Variants in FAM117B observed in about 807,000 individuals in gnomAD.
The protein encoded by FAM117B is family with sequence similarity 117 member B, also known as protein FAM117B.
Under a neutral mutation model 52.8 loss-of-function variants are expected in FAM117B, and 22 were observed. That is an observed-to-expected ratio of 0.42 (90% confidence interval 0.30 to 0.59). The LOEUF (loss-of-function observed/expected upper bound fraction) is 0.59. Among genes scored for constraint, FAM117B ranks in the 20% least tolerant of loss-of-function variants. The pLI is 0.22. For synonymous variants in FAM117B, 309 were observed against 324.1 expected (o/e 0.95, Z 0.50); for missense variants, 678 against 802.6 (o/e 0.84, Z 1.88).
At chr2:202,764,868 A>G (rs2105802546) in intron 7 of FAM117B, among the ~76,000 whole-genome samples, 1 of 152,308 alleles carries the variant, frequency 6.6e-6, no homozygotes, top group East Asian at 1.9e-4. Flanking sequence ...ATCAGGGTTA[A>G]CTCAAAGAAT....
intron 4 of FAM117B, among the ~76,000 whole-genome samples, chr2:202,745,262 A>G (rs1202586995): frequency 6.6e-6 from 1 of 151,516 alleles, no homozygotes; most frequent in African/African-American, 2.4e-5. Context: ...CTTGAGTGAC[A>G]GAGTGAGACT....
chr2:202,714,923 T>C (rs1177420976), intron 2 of FAM117B, among the ~76,000 whole-genome samples: 1 of 152,006 alleles, frequency 6.6e-6, no homozygotes, highest in Non-Finnish European at 1.5e-5. Flanking sequence ...AAGTCTCCCA[T>C]GTCTACTTCT....
At chr2:202,731,182 G>A (rs1691338516) in intron 4 of FAM117B, among the ~76,000 whole-genome samples, 1 of 151,470 alleles carries the variant, frequency 6.6e-6, no homozygotes, top group Non-Finnish European at 1.5e-5. Context: ...TGTACAAATA[G>A]CCAATAAGCA....
chr2:202,735,702 A>T lies in FAM117B; in HGVS notation c.960+9339A>T, dbSNP rs1349058128. ...GTTAGAGTCTGATGTTAGTAACAAG[A>T]GTGGGAGATGCCAGCATCTTCACAG... On this transcript the variant is annotated intron_variant, in intron 4 of 7. Coordinates refer to ENST00000392238, the MANE Select transcript of FAM117B (RefSeq NM_173511.4). Among the ~76,000 whole-genome samples, 3 of 152,240 alleles carry T rather than the reference A, an allele frequency of 2.0e-5. No individual in the cohort carries two copies. In the East Asian group the frequency reaches 5.8e-4, roughly 29 times the overall value.
chr2:202,744,474 C>T (rs561074934), intron 4 of FAM117B, among the ~76,000 whole-genome samples: 91 of 152,278 alleles, frequency 6.0e-4, no homozygotes, highest in African/African-American at 1.3e-3. Context: ...CTTCCCGTTA[C>T]GCCCCACCTT....
intron 1 of FAM117B, among the ~76,000 whole-genome samples, chr2:202,643,741 G>A (rs1417393294): frequency 1.3e-5 from 2 of 151,504 alleles, no homozygotes; most frequent in African/African-American, 4.9e-5. Context: ...ACAGAGTCTC[G>A]CTCTGTCACC....
rs1692032303 is a variant in FAM117B at position 202,769,144 on chromosome 2, C to T, written c.*3380C>T. ...CCAAATCAGTCTTTTAGAAGGTGCT[C>T]TTGCTAACTGTGGAATATTTGACGA... is the stretch of plus-strand genomic sequence containing the variant. On this transcript the variant is annotated 3_prime_UTR_variant, in exon 8 of 8. Transcript: ENST00000392238. 1 of 152,274 alleles carries T rather than the reference C, an allele frequency of 6.6e-6. No homozygotes were observed. Among genetic ancestry groups the T allele is most frequent in the South Asian group, 2.1e-4 (1 of 4,826 alleles). 9.4% of individuals were successfully genotyped at this position (152,274 alleles called of 1,614,324 possible).
intron 1 of FAM117B, among the ~76,000 whole-genome samples, chr2:202,683,277 C>T (rs948262433): frequency 4.6e-5 from 7 of 151,594 alleles, no homozygotes; most frequent in Non-Finnish European, 8.8e-5. Context: ...TACAGTCAGC[C>T]GAGATCACAC....
chr2:202,694,927 T>C (rs1690688319), intron 1 of FAM117B, among the ~76,000 whole-genome samples: 1 of 152,208 alleles, frequency 6.6e-6, no homozygotes, highest in South Asian at 2.1e-4. Flanking sequence ...TGACAATATT[T>C]AGTGAAAGAT....
chr2:202,701,415 C>G (rs962990155), intron 2 of FAM117B, among the ~76,000 whole-genome samples: 4 of 152,170 alleles, frequency 2.6e-5, no homozygotes, highest in African/African-American at 9.7e-5. Flanking sequence ...TTCATGCCTG[C>G]TAACACAACA....
Position 202,677,093 on chromosome 2 carries a change from C to T in FAM117B, c.602-18788C>T, listed in dbSNP as rs116044419. 9.2e-3 allele frequency among the ~76,000 whole-genome samples: 1,358 copies of T among 147,846 alleles called. 23 individuals carry two copies. The highest frequency in any genetic ancestry group is 0.032 in the African/African-American group (1,263 of 39,632). On this transcript the variant is annotated intron_variant, in intron 1 of 7. Transcript: ENST00000392238. ...TTTTTTTTTTTCCTTTCTTTTGAGACAGTCTCGCTCTGTCACCAGGCTGGA... is the reference window on the plus strand; with the variant it reads ...TTTTTTTTTTTCCTTTCTTTTGAGATAGTCTCGCTCTGTCACCAGGCTGGA...
Position 202,765,874 on chromosome 2 carries a change from A to C in FAM117B, c.*110A>C. ...CGGCTGTGATGTGCTCCAGCTTTCC[A>C]GTGACATGTGACGGCGAGGCTTCTG... On this transcript the variant is annotated 3_prime_UTR_variant, in exon 8 of 8. Transcript: ENST00000392238. 1 of 1,173,314 alleles carries C rather than the reference A, an allele frequency of 8.5e-7. No homozygotes were observed. Among genetic ancestry groups the C allele is most frequent in the Non-Finnish European group, 1.2e-6 (1 of 841,434 alleles). The allele number at this position is 1,173,314 out of a possible 1,614,324, so 72.7% of individuals were successfully genotyped here.
At chr2:202,682,468 C>T (rs866203607) in intron 1 of FAM117B, among the ~76,000 whole-genome samples, 18 of 152,280 alleles carry the variant, frequency 1.2e-4, no homozygotes, top group Non-Finnish European at 1.9e-4. Flanking sequence ...CCCCCTCCTG[C>T]GAGGGGTGGA....
At chr2:202,701,618 T>C (rs890915126) in intron 2 of FAM117B, among the ~76,000 whole-genome samples, 3 of 152,190 alleles carry the variant, frequency 2.0e-5, no homozygotes, top group Non-Finnish European at 2.9e-5. Flanking sequence ...ATTTGTAGGA[T>C]TAGGTCAAAT....
At chr2:202,723,841 T>C (rs752117324) in intron 2 of FAM117B, among the ~76,000 whole-genome samples, 1 of 152,172 alleles carries the variant, frequency 6.6e-6, no homozygotes, top group Non-Finnish European at 1.5e-5. Flanking sequence ...CAGCAGGTGC[T>C]GAATATCCCC....
At position 202,726,285 on chromosome 2, in the gene FAM117B, A is replaced by G; in HGVS notation, c.882A>G (p.Lys294=). 6.2e-7 allele frequency: 1 copy of G among 1,613,838 alleles called. No homozygotes were observed. Among genetic ancestry groups the G allele is most frequent in the Non-Finnish European group, 8.5e-7 (1 of 1,179,942 alleles). Residue 294 remains lysine, a synonymous_variant, in exon 4 of 8, where the codon AAA becomes AAG. Transcript: ENST00000392238. ...TACGCCAGCAGTTGCAGAGAAGTAA[A>G]CACAGCAGTCGGCATCATCGAGATA... The part of the protein sequence containing the change: ...AKLRQQLQRS[K]HSSRHHRDKE...
intron 1 of FAM117B, among the ~76,000 whole-genome samples, chr2:202,691,649 T>TTGTGTGTGTGTGTGTATGTGTG (rs1360538629): frequency 2.4e-5 from 3 of 126,808 alleles, no homozygotes; most frequent in Non-Finnish European, 3.4e-5. Context: ...CCAGTTTACA[T>TTGTGTGTGTGTGTGTATGTGTG]TGTGTGTGTG....
rs80135632 is a variant in FAM117B, at chr2:202,639,072, T to C, written c.601+3284T>C. Among the ~76,000 whole-genome samples the C allele has an allele frequency of 4.5e-4, 69 of 152,330 alleles. No individual in the cohort carries two copies. In the East Asian group the frequency reaches 0.013, roughly 28 times the overall value. On this transcript the variant is annotated intron_variant, in intron 1 of 7. Transcript: ENST00000392238. ...AGTCCCTTTTTCATTAAAGGGAGGCTACCACCAGTTTGCAGCTGTGATGAA... is the reference window on the plus strand; with the variant it reads ...AGTCCCTTTTTCATTAAAGGGAGGCCACCACCAGTTTGCAGCTGTGATGAA...
chr2:202,678,634 A>G (rs1690414380), intron 1 of FAM117B, among the ~76,000 whole-genome samples: 1 of 152,126 alleles, frequency 6.6e-6, no homozygotes, highest in African/African-American at 2.4e-5. Flanking sequence ...ATCTTGGCTC[A>G]CTGCAACCTT....
Sources: allele counts gnomAD v4.1 joint callset (sites outside exome capture counted in the v4.1 genomes callset), GRCh38; gene constraint gnomAD v4.1.1; transcripts MANE v1.5; gene names NCBI Gene and HGNC (gene_info 2026-07-23, HGNC 2026-07-21).